SAMD12: variants seen among roughly 807,000 people sequenced by gnomAD.
The protein encoded by SAMD12 is sterile alpha motif domain containing 12.
In SAMD12, 9 loss-of-function variants were observed where a neutral mutation model predicts 15.0. That is an observed-to-expected ratio of 0.60 (90% CI 0.36 to 1.05). SAMD12 has a LOEUF of 1.05. Among genes scored for constraint, SAMD12 ranks in the 50% least tolerant of loss-of-function variants. The pLI is 0.01. For synonymous variants in SAMD12, 86 were observed against 90.1 expected (o/e 0.96, Z 0.25); for missense variants, 230 against 234.2 (o/e 0.98, Z 0.12).
At chr8:118,318,273 C>T (rs1412223375) in intron 4 of SAMD12, among the ~76,000 whole-genome samples, 1 of 138,320 alleles carries the variant, frequency 7.2e-6, no homozygotes, top group African/African-American at 2.7e-5. Flanking sequence ...TTCACAATTG[C>T]CAATGAGTAG....
chr8:118,271,808 C>T (rs1187595340), intron 4 of SAMD12, among the ~76,000 whole-genome samples: 3 of 152,208 alleles, frequency 2.0e-5, no homozygotes, highest in Non-Finnish European at 4.4e-5. Flanking sequence ...ATATACAGCT[C>T]CCACTGATGC....
At chr8:118,588,932 G>T (rs574619640) in intron 1 of SAMD12, among the ~76,000 whole-genome samples, 1 of 152,256 alleles carries the variant, frequency 6.6e-6, no homozygotes, top group African/African-American at 2.4e-5. Context: ...AGCTAAATGT[G>T]ATATTACATA....
At position 118,320,281 on chromosome 8, in the gene SAMD12, C is replaced by T. The variant is rs533949655; in HGVS notation, c.433+59279G>A. On this transcript the variant is annotated intron_variant, in intron 4 of 4. Coordinates refer to the SAMD12 transcript ENST00000409003. The stretch of plus-strand genomic sequence containing the variant: ...AGACTGTGGAACAAATGGGACATGA[C>T]AGAGTACAGGAAATTCACATGGACG... Among the ~76,000 whole-genome samples the T allele has an allele frequency of 3.2e-4, 48 of 152,120 alleles. No homozygotes were observed. The South Asian group carries it at 6.5e-3, about 20-fold the overall frequency.
chr8:118,266,240 T>C (rs1813196230), intron 4 of SAMD12, among the ~76,000 whole-genome samples: 1 of 152,140 alleles, frequency 6.6e-6, no homozygotes, highest in Non-Finnish European at 1.5e-5. Context: ...CCTTGACACA[T>C]GAGGATTACA....
At chr8:118,339,995 C>A (rs749562961) in intron 4 of SAMD12, among the ~76,000 whole-genome samples, 1 of 152,332 alleles carries the variant, frequency 6.6e-6, no homozygotes, top group South Asian at 2.1e-4. Context: ...GGGCAGGGAT[C>A]GTGTCTCATT....
At chr8:118,561,905 A>C (rs1182603732) in intron 2 of SAMD12, among the ~76,000 whole-genome samples, 4 of 152,230 alleles carry the variant, frequency 2.6e-5, no homozygotes, top group African/African-American at 9.6e-5. Context: ...CTGATTAATA[A>C]ATTTTGTTCA....
At chr8:118,297,942 G>A (rs1814801952) in intron 4 of SAMD12, among the ~76,000 whole-genome samples, 1 of 152,180 alleles carries the variant, frequency 6.6e-6, no homozygotes, top group African/African-American at 2.4e-5. Flanking sequence ...CAGAAAAAAT[G>A]AATGTGGGAA....
chr8:118,496,067 A>G (rs959562564), intron 2 of SAMD12, among the ~76,000 whole-genome samples: 1 of 152,318 alleles, frequency 6.6e-6, no homozygotes, highest in African/African-American at 2.4e-5. Flanking sequence ...CAGAGACAAC[A>G]CAAACAAATG....
the SAMD12 span, among the ~76,000 whole-genome samples, chr8:118,141,471 G>T: frequency 9.4e-4 from 143 of 152,284 alleles, no homozygotes; most frequent in Non-Finnish European, 1.6e-3. Flanking sequence ...GATCCACATT[G>T]CTGATAAATA....
At chr8:118,558,340 A>G (rs1389531626) in intron 2 of SAMD12, among the ~76,000 whole-genome samples, 2 of 152,156 alleles carry the variant, frequency 1.3e-5, no homozygotes. Flanking sequence ...ACTTTCTTCT[A>G]TGATTGTAAA....
At chr8:118,464,805 G>A (rs79051059) in intron 2 of SAMD12, among the ~76,000 whole-genome samples, 2,311 of 152,180 alleles carry the variant, frequency 0.015, 62 homozygotes, top group African/African-American at 0.053. Context: ...AATTATAAAT[G>A]GAGGATATTA....
At chr8:118,613,569 A>G (rs992834741) in intron 1 of SAMD12, among the ~76,000 whole-genome samples, 5 of 152,184 alleles carry the variant, frequency 3.3e-5, no homozygotes, top group African/African-American at 1.2e-4. Flanking sequence ...TCTTTTCACT[A>G]AAGACTTCCC....
intron 2 of SAMD12, among the ~76,000 whole-genome samples, chr8:118,553,123 T>G (rs1285713514): frequency 1.3e-5 from 2 of 151,404 alleles, no homozygotes; most frequent in Admixed American, 1.3e-4. Context: ...AATTTACAGA[T>G]TCAATGCCAT....
chr8:118,548,003 C>T (rs574919775), intron 2 of SAMD12, among the ~76,000 whole-genome samples: 2 of 152,218 alleles, frequency 1.3e-5, no homozygotes, highest in African/African-American at 4.8e-5. Context: ...AAAGGTCACT[C>T]GAGGTTACCA....
At chr8:118,382,030 C>G (rs1426443387) in intron 3 of SAMD12, among the ~76,000 whole-genome samples, 1 of 152,196 alleles carries the variant, frequency 6.6e-6, no homozygotes, top group Non-Finnish European at 1.5e-5. Flanking sequence ...TGCTCACTGT[C>G]AGACCTTAGT....
In SAMD12 at chr8:118,439,976, G is replaced by A; in HGVS notation, c.193-15C>T. The A allele has an allele frequency of 6.2e-7, 1 of 1,613,118 alleles. No homozygotes were observed. Among genetic ancestry groups the A allele is most frequent in the East Asian group, 2.2e-5 (1 of 44,862 alleles). The stretch of plus-strand genomic sequence containing the variant: ...ACCGTAGCTGACTATAAATAAAGAA[G>A]GAAGATCTGTCAATGCTGGCCCCAT... On this transcript the variant is annotated splice_polypyrimidine_tract_variant and intron_variant, in intron 2 of 3. Coordinates refer to ENST00000314727, the MANE Select transcript of SAMD12 (RefSeq NM_207506.3).
At chr8:118,317,643 G>C (rs956506831) in intron 4 of SAMD12, among the ~76,000 whole-genome samples, 1 of 152,140 alleles carries the variant, frequency 6.6e-6, no homozygotes, top group South Asian at 2.1e-4. Context: ...AACAAGAAAG[G>C]CTTCTGGGGT....
exon 5 of SAMD12, chr8:118,193,690 A>G (rs898225999): frequency 6.6e-6 from 1 of 152,226 alleles, no homozygotes; most frequent in African/African-American, 2.4e-5. Flanking sequence ...AAAGGTAACA[A>G]ATACACTTTT....
At chr8:118,304,908 G>A (rs572474682) in intron 4 of SAMD12, among the ~76,000 whole-genome samples, 6 of 151,460 alleles carry the variant, frequency 4.0e-5, no homozygotes, top group African/African-American at 1.2e-4. Flanking sequence ...CAGCACTTTG[G>A]GAGGCTGAGG....
Sources: gnomAD v4.1 joint callset for allele counts (sites outside exome capture counted in the v4.1 genomes callset) on GRCh38, gnomAD v4.1.1 for gene constraint, MANE v1.5 for transcripts, NCBI Gene and HGNC (gene_info 2026-07-23, HGNC 2026-07-21) for gene names.